MPZL1: variants seen among roughly 807,000 people sequenced by gnomAD.
The protein encoded by MPZL1 is myelin protein zero-like protein 1.
A neutral mutation model predicts 29.3 loss-of-function variants in MPZL1; 16 were observed. That is an observed-to-expected ratio of 0.55 (90% confidence interval 0.37 to 0.83). The LOEUF (loss-of-function observed/expected upper bound fraction) is 0.83. Among genes scored for constraint, MPZL1 ranks in the 40% least tolerant of loss-of-function variants. The pLI is 0.00. For missense variants in MPZL1, 279 were observed against 332.9 expected (o/e 0.84, Z 1.26); for synonymous variants, 143 against 132.0 (o/e 1.08, Z -0.57).
chr1:167,728,100 C>T (rs1316929061), intron 1 of MPZL1, among the ~76,000 whole-genome samples: 9 of 148,874 alleles, frequency 6.0e-5, no homozygotes, highest in African/African-American at 1.3e-4. Context: ...AGTGCAGTCG[C>T]GCCATCTCGG....
In MPZL1 at chr1:167,776,099, AG is replaced by A. The variant is rs759956710; in HGVS notation, c.643del (p.Ala215LeufsTer13). ...TCAGAGAGTTTGTCACCAGTTAAGC[AG>A]GCTCCTCGGAAGTCCCCCTCCGACA... is the stretch of plus-strand genomic sequence containing the variant. ...STSESLSPVKQAPRKSPSDTE... is the reference protein window; with the variant it reads ...STSESLSPVKXAPRKSPSDTE... On this transcript the variant is annotated frameshift_variant, in exon 5 of 6. Transcript: ENST00000359523. LOFTEE classifies it high-confidence loss of function. 6.2e-7 allele frequency: 1 copy of A among 1,612,294 alleles called. No homozygotes were observed. The highest frequency in any genetic ancestry group is 2.2e-5 in the East Asian group (1 of 44,684).
intron 1 of MPZL1, among the ~76,000 whole-genome samples, chr1:167,746,212 G>C (rs1230961647): frequency 1.5e-4 from 23 of 152,030 alleles, no homozygotes; most frequent in Non-Finnish European, 2.9e-5. Context: ...AAGGCATTCA[G>C]ACTGAGAGAT....
intron 5 of MPZL1, chr1:167,787,010 A>G (rs759536203): frequency 2.0e-5 from 3 of 152,036 alleles, no homozygotes; most frequent in Admixed American, 6.5e-5. Flanking sequence ...AGGCCACCCA[A>G]CCTTCCCTTG....
intron 2 of MPZL1, among the ~76,000 whole-genome samples, chr1:167,771,767 A>G (rs906479886): frequency 3.3e-5 from 5 of 152,160 alleles, no homozygotes; most frequent in Non-Finnish European, 5.9e-5. Flanking sequence ...TGGGAGACCA[A>G]GGCAGGTGGC....
Position 167,739,298 on chromosome 1 carries a change from TATATATATATACAC to T in MPZL1, c.91+17067_91+17080del, listed in dbSNP as rs1185229043. 2.9e-4 allele frequency among the ~76,000 whole-genome samples: 34 copies of T among 116,682 alleles called. 1 individual carries two copies. Among genetic ancestry groups the T allele is most frequent in the African/African-American group, 8.5e-4 (18 of 21,182 alleles). 76.5% of individuals were successfully genotyped at this position (116,682 alleles called of 152,430 possible). On this transcript the variant is annotated intron_variant, in intron 1 of 5. Transcript: ENST00000359523. ...ACATATATACATATATATATATATA[TATATATATATACAC>T]ATATATATATTTATGTTTATTCTTT...
chr1:167,783,666 A>G (rs1216468778), intron 5 of MPZL1, among the ~76,000 whole-genome samples: 1 of 152,206 alleles, frequency 6.6e-6, no homozygotes, highest in Non-Finnish European at 1.5e-5. Context: ...TAGTTAGGCA[A>G]GTCACTTGCT....
intron 1 of MPZL1, among the ~76,000 whole-genome samples, chr1:167,729,291 A>T (rs867317798): frequency 3.3e-5 from 5 of 151,924 alleles, no homozygotes; most frequent in Admixed American, 1.3e-4. Context: ...AAAAAAAAAG[A>T]TGCTGTTATT....
intron 5 of MPZL1, among the ~76,000 whole-genome samples, chr1:167,783,871 AAG>A (rs1449798611): frequency 6.6e-6 from 1 of 152,242 alleles, no homozygotes; most frequent in Non-Finnish European, 1.5e-5. Context: ...ACTAAAAAAA[AAG>A]GTGTTCTGTC....
intron 5 of MPZL1, among the ~76,000 whole-genome samples, chr1:167,785,042 TC>T (rs1661564692): frequency 6.6e-6 from 1 of 152,254 alleles, no homozygotes; most frequent in South Asian, 2.1e-4. Flanking sequence ...CTCATTCTTT[TC>T]TACTCACATA....
At chr1:167,735,155 T>G (rs556734211) in intron 1 of MPZL1, among the ~76,000 whole-genome samples, 29 of 152,368 alleles carry the variant, frequency 1.9e-4, no homozygotes, top group Non-Finnish European at 3.4e-4. Flanking sequence ...TTTCTCACTT[T>G]GTCCATTGTC....
At chr1:167,776,827 T>A (rs1381537048) in intron 5 of MPZL1, among the ~76,000 whole-genome samples, 2 of 152,154 alleles carry the variant, frequency 1.3e-5, no homozygotes, top group Admixed American at 6.5e-5. Flanking sequence ...TTTTCTGGGG[T>A]AGAAAGCATG....
chr1:167,762,412 C>T (rs1273545666), intron 1 of MPZL1, among the ~76,000 whole-genome samples: 1 of 152,186 alleles, frequency 6.6e-6, no homozygotes, highest in African/African-American at 2.4e-5. Context: ...AAGGTAGGCT[C>T]AGAGACGCCA....
chr1:167,779,015 A>G (rs1051059184), intron 5 of MPZL1, among the ~76,000 whole-genome samples: 27 of 151,978 alleles, frequency 1.8e-4, no homozygotes, highest in Non-Finnish European at 1.5e-5. Context: ...CCAGTTACTC[A>G]GGAGGCTGAG....
intron 5 of MPZL1, among the ~76,000 whole-genome samples, chr1:167,777,713 T>A (rs914357379): frequency 1.3e-4 from 20 of 152,280 alleles, no homozygotes; most frequent in African/African-American, 4.8e-4. Context: ...TGAAATGCAG[T>A]AGGTTGCACA....
At chr1:167,737,706 G>A (rs975287193) in intron 1 of MPZL1, among the ~76,000 whole-genome samples, 2 of 152,188 alleles carry the variant, frequency 1.3e-5, no homozygotes, top group Admixed American at 1.3e-4. Flanking sequence ...TAACTGACAG[G>A]TGCATTGGAT....
At chr1:167,737,184 C>T (rs1660395019) in intron 1 of MPZL1, among the ~76,000 whole-genome samples, 1 of 152,114 alleles carries the variant, frequency 6.6e-6, no homozygotes, top group Non-Finnish European at 1.5e-5. Flanking sequence ...CTTTGGGTCT[C>T]CAATGCTTAA....
At chr1:167,778,287 A>T (rs1323408998) in intron 5 of MPZL1, among the ~76,000 whole-genome samples, 1 of 151,452 alleles carries the variant, frequency 6.6e-6, no homozygotes, top group African/African-American at 2.4e-5. Context: ...CACCACTGGC[A>T]CTCCAGCCTG....
chr1:167,737,470 G>C (rs1183625147), intron 1 of MPZL1, among the ~76,000 whole-genome samples: 1 of 152,202 alleles, frequency 6.6e-6, no homozygotes, highest in Non-Finnish European at 1.5e-5. Flanking sequence ...CAATAAGATC[G>C]TAACGTCAGT....
intron 1 of MPZL1, among the ~76,000 whole-genome samples, chr1:167,747,581 G>T (rs148225165): frequency 6.6e-6 from 1 of 152,084 alleles, no homozygotes; most frequent in East Asian, 1.9e-4. Flanking sequence ...AGTTAAAAAA[G>T]AATACATGAT....
Sources: gnomAD v4.1 joint callset for allele counts (sites outside exome capture counted in the v4.1 genomes callset) on GRCh38, gnomAD v4.1.1 for gene constraint, MANE v1.5 for transcripts, NCBI Gene and HGNC (gene_info 2026-07-23, HGNC 2026-07-21) for gene names.